The following CELF2 variants were observed in gnomAD, a reference collection of about 807,000 sequenced individuals.
CELF2 encodes CUG triplet repeat RNA-binding protein 2.
In CELF2, 8 loss-of-function variants were observed where a neutral mutation model predicts 62.6. The ratio of observed to expected loss-of-function variants is 0.13; its 90% CI spans 0.07 to 0.23. CELF2 has a LOEUF of 0.23. Among genes scored for constraint, CELF2 ranks in the 10% least tolerant of loss-of-function variants. The pLI is 1.00. For synonymous variants in CELF2, 258 were observed against 250.0 expected, an observed-to-expected ratio of 1.03 and a Z score of -0.30; for missense variants, 333 against 671.0, an observed-to-expected ratio of 0.50 and a Z score of 5.56.
chr10:11,243,681 G>T lies in CELF2; in HGVS notation c.355-5472G>T. 1.3e-5 allele frequency among the ~76,000 whole-genome samples: 2 copies of T among 152,206 alleles called. No homozygotes were observed. The highest frequency in any genetic ancestry group is 2.9e-5 in the Non-Finnish European group (2 of 68,036). On this transcript the variant is annotated intron_variant, in intron 3 of 12. Coordinates refer to ENST00000633077, the MANE Select transcript of CELF2 (RefSeq NM_001326342.2). This position sits in a 1 kb window ranked among gnomAD's most constrained non-coding sequence, Gnocchi z 4.1. Reference sequence around the variant, plus strand: ...AAACCACTCTGTAAAGTCAGAGGCTGGTGTTTGTAAAATTCTTAGACTCGT... The same window carrying T: ...AAACCACTCTGTAAAGTCAGAGGCTTGTGTTTGTAAAATTCTTAGACTCGT...
chr10:11,023,869 A>C (rs1302269830), intron 1 of CELF2, among the ~76,000 whole-genome samples: 2 of 152,260 alleles, frequency 1.3e-5, no homozygotes, highest in Non-Finnish European at 2.9e-5. Flanking sequence ...GTGATGTTTT[A>C]AAATCAGCTG....
At chr10:10,552,802 G>A in the CELF2 span, among the ~76,000 whole-genome samples, 6 of 152,138 alleles carry the variant, frequency 3.9e-5, no homozygotes, top group African/African-American at 1.2e-4. Flanking sequence ...TCTTAACTTC[G>A]GCTGCTATAA....
chr10:10,588,799 G>A, the CELF2 span, among the ~76,000 whole-genome samples: 1 of 152,224 alleles, frequency 6.6e-6, no homozygotes, highest in Admixed American at 6.5e-5. Flanking sequence ...CAGACTTGGA[G>A]CACTCCATTC....
intron 1 of CELF2, among the ~76,000 whole-genome samples, chr10:11,133,230 A>G (rs186950140): frequency 6.6e-6 from 1 of 152,312 alleles, no homozygotes; most frequent in East Asian, 1.9e-4. Flanking sequence ...AAAGAAGAGG[A>G]CAACCAGGTA....
rs966613141 is a variant in CELF2 at position 11,008,881 on chromosome 10, G to T, written c.53+3441G>T. Among the ~76,000 whole-genome samples the T allele has an allele frequency of 6.6e-6, 1 of 151,462 alleles. No homozygotes were observed. Among genetic ancestry groups the T allele is most frequent in the Non-Finnish European group, 1.5e-5 (1 of 67,970 alleles). ...GTGGCATCATCTTCTTTGTGGCATT[G>T]ATCTGTACTTTCTGGAACAGTAATG... is the stretch of plus-strand genomic sequence containing the variant. On this transcript the variant is annotated intron_variant, in intron 1 of 12. Transcript: ENST00000416382. This position sits in a 1 kb window ranked among gnomAD's most constrained non-coding sequence, Gnocchi z 4.5.
the CELF2 span, among the ~76,000 whole-genome samples, chr10:10,502,863 A>G: frequency 6.6e-6 from 1 of 151,826 alleles, no homozygotes; most frequent in Non-Finnish European, 1.5e-5. Context: ...TTCCTTTCTG[A>G]TGCATTTAGT....
At chr10:11,000,843 G>A (rs1377232397), upstream of CELF2, among the ~76,000 whole-genome samples, 1 of 152,188 alleles carries the variant, frequency 6.6e-6, no homozygotes, top group African/African-American at 2.4e-5. Context: ...CTGGGGTCTG[G>A]AAGAAGGATT....
At chr10:10,824,130 G>C (rs1052633628) in intron 1 of CELF2, among the ~76,000 whole-genome samples, 1 of 152,144 alleles carries the variant, frequency 6.6e-6, no homozygotes, top group Non-Finnish European at 1.5e-5. Flanking sequence ...TTTGGAATTT[G>C]TTTCTATTAT....
At chr10:11,100,504 A>G (rs1419017666) in intron 1 of CELF2, among the ~76,000 whole-genome samples, 1 of 151,712 alleles carries the variant, frequency 6.6e-6, no homozygotes, top group Non-Finnish European at 1.5e-5. Context: ...ATAAATATGA[A>G]TGGAACTCAC....
intron 2 of CELF2, among the ~76,000 whole-genome samples, chr10:11,213,190 T>TGATGCATG: frequency 6.6e-6 from 1 of 151,584 alleles, no homozygotes; most frequent in South Asian, 2.1e-4. Context: ...CTGTCCCCTC[T>TGATGCATG]GATGCATGGT....
At chr10:10,662,650 G>T in the CELF2 span, among the ~76,000 whole-genome samples, 1 of 152,122 alleles carries the variant, frequency 6.6e-6, no homozygotes. Flanking sequence ...CTGGTCTTTG[G>T]AGCAAGTGAT....
rs549462786 is a variant in CELF2 at position 11,152,413 on chromosome 10, TA to T, written c.75-13061del. Among the ~76,000 whole-genome samples, 903 of 143,094 alleles carry T rather than the reference TA, an allele frequency of 6.3e-3. 4 individuals are homozygous for T. The highest frequency in any genetic ancestry group is 0.017 in the African/African-American group (677 of 39,376). 93.9% of individuals were successfully genotyped at this position (143,094 alleles called of 152,430 possible). ...AGGTTCTCAGGAAACAGTTGTTAAA[TA>T]AAAAAAAAAAATCTGGTGGGAAAGA... is the stretch of plus-strand genomic sequence containing the variant. On this transcript the variant is annotated intron_variant, in intron 1 of 12. Transcript: ENST00000633077.
chr10:11,009,514 A>G (rs967771967), intron 1 of CELF2, among the ~76,000 whole-genome samples: 8 of 152,264 alleles, frequency 5.3e-5, no homozygotes, highest in East Asian at 1.9e-4. Context: ...CTCCCCCCAC[A>G]GCTTTCTTCT....
intron 3 of CELF2, among the ~76,000 whole-genome samples, chr10:11,232,078 G>C (rs1353864155): frequency 6.6e-6 from 1 of 151,958 alleles, no homozygotes. Flanking sequence ...TGCCATGTTG[G>C]TGTGCTGCAC....
the CELF2 span, among the ~76,000 whole-genome samples, chr10:10,673,678 TA>T: frequency 6.6e-6 from 1 of 152,190 alleles, no homozygotes. Flanking sequence ...TTCAATGCTA[TA>T]AATTCCCCTC....
the CELF2 span, among the ~76,000 whole-genome samples, chr10:10,602,147 C>T: frequency 1.3e-5 from 2 of 152,104 alleles, no homozygotes; most frequent in Admixed American, 6.5e-5. Flanking sequence ...CACTGATGGG[C>T]ATTTGGGTTG....
chr10:11,102,613 G>T (rs975205219), intron 1 of CELF2, among the ~76,000 whole-genome samples: 1 of 152,158 alleles, frequency 6.6e-6, no homozygotes, highest in Non-Finnish European at 1.5e-5. Context: ...CCATGCTGGT[G>T]GCTTCAGACA....
In CELF2 at chr10:11,290,997, T is replaced by G. The variant is rs936683676; in HGVS notation, c.976+2445T>G. On this transcript the variant is annotated intron_variant, in intron 9 of 12. Transcript: ENST00000633077. The surrounding 1 kb of genome is among the most constrained non-coding windows in gnomAD (Gnocchi z 4.3). ...CAGAAAATGTGGTTAGTAGAATTCA[T>G]GAATCTCCACTTCATCAAGGCAGTT... Among the ~76,000 whole-genome samples, 1 of 152,234 alleles carries G rather than the reference T, an allele frequency of 6.6e-6. No individual in the cohort carries two copies. The highest frequency in any genetic ancestry group is 2.4e-5 in the African/African-American group (1 of 41,458).
chr10:10,752,688 C>CAAAAAAAAAAAA, the CELF2 span, among the ~76,000 whole-genome samples: 49 of 58,684 alleles, frequency 8.3e-4, no homozygotes, highest in Admixed American at 1.6e-3. Flanking sequence ...GACTCCGTCT[C>CAAAAAAAAAAAA]AAAAAAAAAA....
Sources: gnomAD v4.1 joint callset for allele counts (sites outside exome capture counted in the v4.1 genomes callset) on GRCh38, gnomAD v4.1.1 for gene constraint, Gnocchi (gnomAD v3.1) non-coding constraint, MANE v1.5 for transcripts, NCBI Gene and HGNC (gene_info 2026-07-23, HGNC 2026-07-21) for gene names.